Variants in DNAI2 observed in about 807,000 individuals in gnomAD.
The protein encoded by DNAI2 is dynein, axonemal, intermediate polypeptide 2.
A neutral mutation model predicts 74.7 loss-of-function variants in DNAI2; 63 were observed. The observed-to-expected ratio is 0.84, with a 90% CI of 0.69 to 1.04. The LOEUF (loss-of-function observed/expected upper bound fraction) is 1.04, where lower values mean the gene tolerates loss of function less well. DNAI2 is among the 50% of genes least tolerant of loss of function. The pLI, the probability that DNAI2 is intolerant of heterozygous loss-of-function variation, is 0.00. For synonymous variants in DNAI2, 289 were observed against 314.9 expected, an observed-to-expected ratio of 0.92 and a Z score of 0.87; for missense variants, 688 against 803.2, an observed-to-expected ratio of 0.86 and a Z score of 1.73.
In DNAI2 at chr17:74,299,724, G is replaced by A. The variant is rs1240099522; in HGVS notation, c.731G>A (p.Trp244Ter). The change falls in exon 7 of 14, where the codon TGG becomes TAG. Residue 244 changes from tryptophan (W) to a stop codon, truncating the protein, a stop_gained. Coordinates refer to ENST00000311014, the MANE Select transcript of DNAI2 (RefSeq NM_023036.6). LOFTEE classifies it high-confidence loss of function. ...TCATCTCCTTCCTCACCAGCCTGCTGGGACACCCGAAAGGGCAGCCTGGTG... is the reference window on the plus strand; with the variant it reads ...TCATCTCCTTCCTCACCAGCCTGCTAGGACACCCGAAAGGGCAGCCTGGTG... Reference protein sequence around the residue: ...GGCYNGQIACWDTRKGSLVAE... With the variant: ...GGCYNGQIAC 1.2e-6 allele frequency: 2 copies of A among 1,613,322 alleles called. No homozygotes were observed. The highest frequency in any genetic ancestry group is 1.7e-5 in the Admixed American group (1 of 59,992).
chr17:74,287,004 A>G lies in DNAI2; in HGVS notation c.373A>G (p.Asn125Asp). 1 of 1,613,900 alleles carries G rather than the reference A, an allele frequency of 6.2e-7. No homozygotes were observed. The highest frequency in any genetic ancestry group is 8.5e-7 in the Non-Finnish European group (1 of 1,179,846). ...CATGGAGCACTGCATCAAGCAGAAC[A>G]ATGCCATTGACATCTATGAAGAGTA... ...SIMEHCIKQN[N>D]AIDIYEEYFN... The change falls in exon 4 of 14, where the codon AAT becomes GAT. Residue 125 changes from asparagine (N) to aspartate (D), a missense_variant. Coordinates refer to ENST00000311014, the MANE Select transcript of DNAI2 (RefSeq NM_023036.6).
At chr17:74,313,141 A>G (rs1054933934) in intron 12 of DNAI2, among the ~76,000 whole-genome samples, 2 of 152,198 alleles carry the variant, frequency 1.3e-5, no homozygotes, top group Non-Finnish European at 2.9e-5. Context: ...ATCTGCACAG[A>G]GCACCCACCC....
chr17:74,275,115 G>C (rs1290423418), intron 1 of DNAI2, among the ~76,000 whole-genome samples: 3 of 152,322 alleles, frequency 2.0e-5, no homozygotes, highest in Admixed American at 2.0e-4. Context: ...AACGCAGCAG[G>C]TGACAGGAGT....
In DNAI2 at chr17:74,285,181, G is replaced by T; in HGVS notation, c.325G>T (p.Ala109Ser). 6.2e-7 allele frequency: 1 copy of T among 1,614,170 alleles called. No individual in the cohort carries two copies. The part of the protein sequence containing the change: ...KVEKDENYVN[A>S]IMQLGSIMEH... ...GGAGAAAGATGAGAACTACGTTAAC[G>T]CCATCATGCAGCTCGGCTCTGTAAG... The change falls in exon 3 of 14, where the codon GCC becomes TCC. Residue 109 changes from alanine to serine, a missense_variant. Ala to Ser is a moderately conservative substitution (Grantham distance 99). Coordinates refer to ENST00000311014, the MANE Select transcript of DNAI2 (RefSeq NM_023036.6).
intron 6 of DNAI2, among the ~76,000 whole-genome samples, chr17:74,296,212 C>T (rs1489336963): frequency 7.2e-5 from 11 of 151,968 alleles, no homozygotes; most frequent in Non-Finnish European, 1.6e-4. Flanking sequence ...CAGTGGCTCA[C>T]GTCTGTAATC....
Position 74,285,220 on chromosome 17 carries a change from C to T in DNAI2, c.345+19C>T, listed in dbSNP as rs1351372006. 1.2e-6 allele frequency: 2 copies of T among 1,612,534 alleles called. No homozygotes were observed. The highest frequency in any genetic ancestry group is 1.7e-6 in the Non-Finnish European group (2 of 1,179,296). ...CGGCTCTGTAAGGCTTCCTCCTGCC[C>T]CAGCTGCAAGAGCCCCATCCATCAC... On this transcript the variant is annotated intron_variant, in intron 3 of 13. Coordinates refer to ENST00000311014, the MANE Select transcript of DNAI2 (RefSeq NM_023036.6).
Position 74,289,627 on chromosome 17 carries a change from C to T in DNAI2, c.501C>T (p.His167=), listed in dbSNP as rs1214772830. 6.2e-7 allele frequency: 1 copy of T among 1,614,136 alleles called. No homozygotes were observed. The highest frequency in any genetic ancestry group is 1.1e-5 in the South Asian group (1 of 91,078). ...DPQEIKRAAT[H]LSWHPDGNRK... ...AGGAAATCAAGAGGGCTGCCACACA[C>T]CTCTCCTGGCACCCCGATGGCAACA... is the stretch of plus-strand genomic sequence containing the variant. The change falls in exon 5 of 14, where the codon CAC becomes CAT. Residue 167 remains histidine, a synonymous_variant. Coordinates refer to ENST00000311014, the MANE Select transcript of DNAI2 (RefSeq NM_023036.6).
chr17:74,301,358 C>T (rs1197248299), intron 8 of DNAI2, among the ~76,000 whole-genome samples, 190 bp downstream of exon 8: 2 of 152,202 alleles, frequency 1.3e-5, no homozygotes, highest in Admixed American at 6.5e-5. Flanking sequence ...CAGAGCTTCT[C>T]GAAGAAGGAC....
intron 1 of DNAI2, among the ~76,000 whole-genome samples, chr17:74,279,031 G>A (rs1050255120): frequency 2.6e-5 from 4 of 152,168 alleles, no homozygotes; most frequent in East Asian, 1.9e-4. Flanking sequence ...GCCGGGTGTG[G>A]TGGTGGGCAC....
chr17:74,279,928 T>C lies in DNAI2; in HGVS notation c.-11-1879T>C, dbSNP rs183505620. 7.9e-5 allele frequency among the ~76,000 whole-genome samples: 12 copies of C among 152,326 alleles called. No individual in the cohort carries two copies. In the East Asian group the frequency reaches 2.1e-3, roughly 27 times the overall value. On this transcript the variant is annotated intron_variant, in intron 1 of 13. Transcript: ENST00000311014. Reference sequence around the variant, plus strand: ...CACCAGCACCAGCCACTCATCCACATCTTTTGTCCTAAGGCTCTGTGCAAC... The same window carrying C: ...CACCAGCACCAGCCACTCATCCACACCTTTTGTCCTAAGGCTCTGTGCAAC...
At chr17:74,292,242 A>T (rs935830081) in intron 6 of DNAI2, among the ~76,000 whole-genome samples, 3 of 152,300 alleles carry the variant, frequency 2.0e-5, no homozygotes, top group East Asian at 3.9e-4. Flanking sequence ...TTGGAAGCTT[A>T]AAAGTTACAA....
Position 74,306,814 on chromosome 17 carries a change from C to T in DNAI2, c.1211+1372C>T, listed in dbSNP as rs1385872143. Among the ~76,000 whole-genome samples, 5 of 152,214 alleles carry T rather than the reference C, an allele frequency of 3.3e-5. No individual in the cohort carries two copies. In the East Asian group the frequency reaches 9.6e-4, roughly 29 times the overall value. On this transcript the variant is annotated intron_variant, in intron 9 of 13. Transcript: ENST00000311014. ...TGTATTTTTAGTATAGACAGAGTTT[C>T]CCCATGTTGGCCAGGCTGGTCTCAA...
At chr17:74,301,802 C>CAAGA (rs768061384) in intron 8 of DNAI2, among the ~76,000 whole-genome samples, 37 of 137,230 alleles carry the variant, frequency 2.7e-4, no homozygotes, top group African/African-American at 8.1e-4. Flanking sequence ...CAGTCTTTAC[C>CAAGA]AAGAAAGAAA....
chr17:74,310,845 ATTTTATTTAT>A (rs2053484698), intron 11 of DNAI2, among the ~76,000 whole-genome samples: 1 of 151,796 alleles, frequency 6.6e-6, no homozygotes, highest in Admixed American at 6.6e-5. Context: ...CAGCCTAATT[ATTTTATTTAT>A]TTTTATTTTA....
At chr17:74,287,232 G>T in intron 4 of DNAI2, 134 bp downstream of exon 4, 2 of 1,390,350 alleles carry the variant, frequency 1.4e-6, no homozygotes, top group East Asian at 2.5e-5. Context: ...GATAAGTGAC[G>T]TGGTGATAAG....
intron 1 of DNAI2, among the ~76,000 whole-genome samples, chr17:74,276,315 G>A (rs1039665151): frequency 3.9e-5 from 6 of 152,188 alleles, no homozygotes; most frequent in Non-Finnish European, 7.3e-5. Context: ...GATTCTGCGT[G>A]TTCCTGTGTT....
intron 6 of DNAI2, among the ~76,000 whole-genome samples, chr17:74,293,080 G>A (rs916283170): frequency 7.9e-5 from 12 of 151,396 alleles, no homozygotes; most frequent in Admixed American, 1.3e-4. Context: ...TGATCCGCCC[G>A]CCTCGGCCTC....
In DNAI2 at chr17:74,300,197, T is replaced by C; in HGVS notation, c.864+340T>C. On this transcript the variant is annotated intron_variant, in intron 7 of 13. Coordinates refer to ENST00000311014, the MANE Select transcript of DNAI2 (RefSeq NM_023036.6). This position sits in a 1 kb window ranked among gnomAD's most constrained non-coding sequence, Gnocchi z 4.5. Reference sequence around the variant, plus strand: ...TCTGACCTCAGGTGATCCACCCGCCTTGGCCTCCCAAAGTGGTGGGATTAC... The same window carrying C: ...TCTGACCTCAGGTGATCCACCCGCCCTGGCCTCCCAAAGTGGTGGGATTAC... Among the ~76,000 whole-genome samples the C allele has an allele frequency of 6.6e-6, 1 of 152,234 alleles. No homozygotes were observed. Among genetic ancestry groups the C allele is most frequent in the South Asian group, 2.1e-4 (1 of 4,836 alleles).
intron 2 of DNAI2, among the ~76,000 whole-genome samples, chr17:74,282,718 T>C (rs2051467824): frequency 6.6e-6 from 1 of 152,204 alleles, no homozygotes; most frequent in African/African-American, 2.4e-5. Context: ...TAAGAGAACT[T>C]ATCTTGAGGG....
Sources: gnomAD v4.1 joint callset for allele counts (sites outside exome capture counted in the v4.1 genomes callset) on GRCh38, gnomAD v4.1.1 for gene constraint, Gnocchi (gnomAD v3.1) non-coding constraint, MANE v1.5 for transcripts, NCBI Gene and HGNC (gene_info 2026-07-23, HGNC 2026-07-21) for gene names.